The following ZSWIM4 variants were observed in gnomAD, a reference collection of about 807,000 sequenced individuals.
The protein encoded by ZSWIM4 is zinc finger SWIM-type containing 4.
ZSWIM4 carries 62 observed loss-of-function variants against 102.5 expected under a neutral mutation model. That is an observed-to-expected ratio of 0.60 (90% confidence interval 0.49 to 0.75). ZSWIM4 has a LOEUF of 0.75. ZSWIM4 is among the 30% of genes least tolerant of loss of function. ZSWIM4 has a pLI of 0.00. For missense variants in ZSWIM4, 1,280 were observed against 1,529.6 expected, an observed-to-expected ratio of 0.84 and a Z score of 2.72; for synonymous variants, 652 against 674.5, an observed-to-expected ratio of 0.97 and a Z score of 0.52.
intron 6 of ZSWIM4, among the ~76,000 whole-genome samples, chr19:13,813,665 A>C (rs1295588721): frequency 6.6e-6 from 1 of 152,064 alleles, no homozygotes; most frequent in Non-Finnish European, 1.5e-5. Context: ...TCACGCCTGT[A>C]ATCCCAGCAC....
At chr19:13,828,412 AAAAAC>A (rs1454716205) in intron 12 of ZSWIM4, among the ~76,000 whole-genome samples, 1 of 152,176 alleles carries the variant, frequency 6.6e-6, no homozygotes, top group African/African-American at 2.4e-5. Flanking sequence ...CATCTCAAAA[AAAAAC>A]AAAACAAAAC....
chr19:13,827,018 C>T (rs1975629258), intron 12 of ZSWIM4, among the ~76,000 whole-genome samples: 1 of 152,062 alleles, frequency 6.6e-6, no homozygotes, highest in Non-Finnish European at 1.5e-5. Flanking sequence ...GGCACAGTGC[C>T]TCACACCTGT....
At position 13,823,514 on chromosome 19, in the gene ZSWIM4, C is replaced by T. The variant is rs374487295; in HGVS notation, c.2215+14C>T. The T allele has an allele frequency of 2.6e-6, 4 of 1,556,516 alleles. No individual in the cohort carries two copies. The African/African-American group carries it at 5.5e-5, about 21-fold the overall frequency. On this transcript the variant is annotated intron_variant, in intron 11 of 13. Coordinates refer to ENST00000590508, the MANE Select transcript of ZSWIM4 (RefSeq NM_001367834.3). ...CGGCCGCCAAGGGTGAGGCTGGCAG[C>T]TGTCCCGATTCCTTTGTCTTCCTCC...
chr19:13,810,605 T>G (rs1568333267), intron 5 of ZSWIM4, among the ~76,000 whole-genome samples: 2 of 149,346 alleles, frequency 1.3e-5, no homozygotes, highest in African/African-American at 2.5e-5. Flanking sequence ...TATGTTTTCT[T>G]TTTTCTTTTT....
chr19:13,825,663 G>A lies in ZSWIM4; in HGVS notation c.2329G>A (p.Ala777Thr), dbSNP rs149643803. ...CTGCAAGACAGCCACCCCGGTCAGC[G>A]CCCCACCAGACACCACGCTGCTGGG... is the stretch of plus-strand genomic sequence containing the variant. ...DACKTATPVS[A>T]PPDTTLLGIA... is the part of the protein sequence containing the mutation. Residue 777 changes from alanine (A) to threonine (T), a missense_variant, in exon 12 of 14, where the codon GCC becomes ACC. By Grantham distance (58) the Ala-to-Thr change is moderately conservative. Transcript: ENST00000590508. The surrounding 1 kb of genome is among the most constrained non-coding windows in gnomAD (Gnocchi z 4.6). The A allele has an allele frequency of 3.8e-5, 61 of 1,613,142 alleles. No individual in the cohort carries two copies. The Admixed American group carries it at 3.8e-4, about 10-fold the overall frequency.
chr19:13,797,818 A>G (rs758540912), intron 1 of ZSWIM4, among the ~76,000 whole-genome samples: 40 of 152,024 alleles, frequency 2.6e-4, no homozygotes, highest in Non-Finnish European at 4.1e-4. Flanking sequence ...ATACCCAGCT[A>G]ATTTTTGTAT....
At chr19:13,827,742 G>T (rs1018863588) in intron 12 of ZSWIM4, among the ~76,000 whole-genome samples, 6 of 152,156 alleles carry the variant, frequency 3.9e-5, no homozygotes, top group African/African-American at 1.4e-4. Flanking sequence ...GCTTTCAGAG[G>T]CTACTCAAGA....
intron 2 of ZSWIM4, among the ~76,000 whole-genome samples, chr19:13,804,550 A>C (rs1322232736): frequency 6.6e-6 from 1 of 151,672 alleles, no homozygotes; most frequent in Non-Finnish European, 1.5e-5. Context: ...GGGAGGCTGA[A>C]GCAGGAGAAT....
chr19:13,805,331 G>T (rs1974890726), intron 3 of ZSWIM4, among the ~76,000 whole-genome samples, 183 bp downstream of exon 3: 1 of 152,154 alleles, frequency 6.6e-6, no homozygotes, highest in Non-Finnish European at 1.5e-5. Flanking sequence ...CAGATATCTG[G>T]ACACAGGACA....
Position 13,830,547 on chromosome 19 carries a change from A to C in ZSWIM4, c.2818A>C (p.Lys940Gln). The C allele has an allele frequency of 3.1e-6, 5 of 1,599,480 alleles. No individual in the cohort carries two copies. Among genetic ancestry groups the C allele is most frequent in the Non-Finnish European group, 4.2e-6 (5 of 1,179,496 alleles). ...EHRGLPLRAY[K>Q]LATLALAQLS... ...CCGCGGGCTGCCGCTCCGGGCCTAC[A>C]AGCTGGCGACGCTGGCCCTGGCGCA... Residue 940 changes from lysine to glutamine, a missense_variant, in exon 14 of 14, where the codon AAG becomes CAG. Lys to Gln is a moderately conservative substitution (Grantham distance 53). Coordinates refer to ENST00000590508, the MANE Select transcript of ZSWIM4 (RefSeq NM_001367834.3).
chr19:13,818,868 CTTT>C (rs35655398), intron 9 of ZSWIM4, among the ~76,000 whole-genome samples: 44 of 131,220 alleles, frequency 3.4e-4, no homozygotes, highest in Non-Finnish European at 6.1e-4. Context: ...CCTGCCTCCT[CTTT>C]TTTTTTTTTT....
intron 6 of ZSWIM4, among the ~76,000 whole-genome samples, 195 bp downstream of exon 6, chr19:13,813,359 A>G (rs1022725237): frequency 5.3e-5 from 8 of 152,190 alleles, no homozygotes; most frequent in Admixed American, 4.6e-4. Context: ...GGGCAGGAGC[A>G]ATGGCAGCCC....
intron 7 of ZSWIM4, 61 bp from the exon 8 acceptor site, chr19:13,817,155 C>G (rs199706188): frequency 1.2e-4 from 185 of 1,543,280 alleles, no homozygotes; most frequent in Middle Eastern, 6.9e-4. Flanking sequence ...AGAGGAATAT[C>G]CCTCCCTCCT....
chr19:13,824,477 A>T (rs1975551519), intron 11 of ZSWIM4, among the ~76,000 whole-genome samples: 1 of 152,244 alleles, frequency 6.6e-6, no homozygotes, highest in East Asian at 1.9e-4. Flanking sequence ...CACGCCTGTA[A>T]TCCCAGCGAT....
chr19:13,812,216 A>G (rs1415718923), intron 5 of ZSWIM4, among the ~76,000 whole-genome samples: 2 of 152,208 alleles, frequency 1.3e-5, no homozygotes, highest in Admixed American at 1.3e-4. Flanking sequence ...TGAGATGGTG[A>G]TAAATGCTAC....
chr19:13,827,393 G>A (rs2145377940), intron 12 of ZSWIM4, among the ~76,000 whole-genome samples: 1 of 151,998 alleles, frequency 6.6e-6, no homozygotes, highest in African/African-American at 2.4e-5. Context: ...TTGAGGCCAG[G>A]AGTTCAAGAC....
In ZSWIM4 at chr19:13,817,714, TC is replaced by T. The variant is rs1568338991; in HGVS notation, c.1670-3del. ...CGTCTCCAGCAGCCCTGGCCCTGTC[TC>T]CCCCAGACTCAGGCCCCGAGAAGCG... is the stretch of plus-strand genomic sequence containing the variant. On this transcript the variant is annotated splice_polypyrimidine_tract_variant and splice_region_variant and intron_variant, in intron 8 of 13. Coordinates refer to ENST00000590508, the MANE Select transcript of ZSWIM4 (RefSeq NM_001367834.3). 6.2e-7 allele frequency: 1 copy of T among 1,607,356 alleles called. No individual in the cohort carries two copies. The highest frequency in any genetic ancestry group is 8.5e-7 in the Non-Finnish European group (1 of 1,177,812).
At chr19:13,798,192 G>A (rs1000298298) in intron 1 of ZSWIM4, among the ~76,000 whole-genome samples, 6 of 152,050 alleles carry the variant, frequency 3.9e-5, no homozygotes, top group East Asian at 3.9e-4. Flanking sequence ...CAATGATTGC[G>A]CAATGACACA....
chr19:13,822,204 AC>A, intron 10 of ZSWIM4, among the ~76,000 whole-genome samples: 1 of 137,804 alleles, frequency 7.3e-6, no homozygotes, highest in Admixed American at 7.2e-5. Context: ...ACACACACAC[AC>A]AGTTTGGAGT....
Sources: allele counts gnomAD v4.1 joint callset (sites outside exome capture counted in the v4.1 genomes callset), GRCh38; gene constraint gnomAD v4.1.1; non-coding constraint Gnocchi (gnomAD v3.1); transcripts MANE v1.5; gene names NCBI Gene and HGNC (gene_info 2026-07-23, HGNC 2026-07-21).